DGKG: variants seen among roughly 807,000 people sequenced by gnomAD.
DGKG encodes the protein DAG kinase gamma.
Under a neutral mutation model 105.3 loss-of-function variants are expected in DGKG, and 78 were observed. The ratio of observed to expected loss-of-function variants is 0.74; its 90% confidence interval spans 0.62 to 0.89. The LOEUF is 0.89. DGKG is among the 40% of genes least tolerant of loss of function. The pLI is 0.00. For synonymous variants in DGKG, 346 were observed against 367.1 expected (o/e 0.94, Z 0.66); for missense variants, 958 against 1,020.1 (o/e 0.94, Z 0.83).
Position 186,354,616 on chromosome 3 carries a change from T to C in DGKG, c.-249+7330A>G, listed in dbSNP as rs57004703. 2.1e-3 allele frequency among the ~76,000 whole-genome samples: 322 copies of C among 152,362 alleles called. 2 individuals carry two copies. Among genetic ancestry groups the C allele is most frequent in the African/African-American group, 6.8e-3 (284 of 41,576 alleles). ...TTTCTAGATGCCTCCATTTTTCACTTGGAAAATGAGAGCTCTTAAGCTCTT... is the reference window on the plus strand; with the variant it reads ...TTTCTAGATGCCTCCATTTTTCACTCGGAAAATGAGAGCTCTTAAGCTCTT... On this transcript the variant is annotated intron_variant, in intron 1 of 24. Transcript: ENST00000265022.
At chr3:186,228,278 T>C (rs1719950303) in intron 20 of DGKG, among the ~76,000 whole-genome samples, 1 of 152,154 alleles carries the variant, frequency 6.6e-6, no homozygotes. Flanking sequence ...CCTTCTCCTC[T>C]CTCCTGATGC....
intron 24 of DGKG, chr3:186,159,839 T>G (rs982276725): frequency 2.6e-5 from 4 of 152,192 alleles, no homozygotes; most frequent in Non-Finnish European, 5.9e-5. Context: ...AACGGATAAA[T>G]GAGGTCACAA....
rs1439594178 is a variant in DGKG at position 186,310,040 on chromosome 3, G to A, written c.68-3063C>T. Among the ~76,000 whole-genome samples the A allele has an allele frequency of 3.1e-4, 46 of 149,870 alleles. No homozygotes were observed. The East Asian group carries it at 6.6e-3, about 22-fold the overall frequency. On this transcript the variant is annotated intron_variant, in intron 2 of 24. Coordinates refer to ENST00000265022, the MANE Select transcript of DGKG (RefSeq NM_001346.3). ...TCCCAGCACTTTGGGAGGCTGAGGC[G>A]GGCGGATCACGAGGTCAGGAGTTCA...
rs889152039 is a variant in DGKG at position 186,149,614 on chromosome 3, G to A, written c.*476C>T. On this transcript the variant is annotated 3_prime_UTR_variant, in exon 25 of 25. Transcript: ENST00000265022. The stretch of plus-strand genomic sequence containing the variant: ...TGCTCTGAGAGCCGGAGGCCGTTTT[G>A]TCTCTGTACAGAGGGAACTTTGTGC... 8 of 986,606 alleles carry A rather than the reference G, an allele frequency of 8.1e-6. No individual in the cohort carries two copies. Among genetic ancestry groups the A allele is most frequent in the Non-Finnish European group, 9.6e-6 (8 of 830,462 alleles). 61.1% of individuals were successfully genotyped at this position (986,606 alleles called of 1,614,324 possible).
rs146027394 is a variant in DGKG, at chr3:186,275,945, GATCTATCTATCTATCTATCT to G, written c.793-301_793-282del. Among the ~76,000 whole-genome samples, 210 of 148,700 alleles carry G rather than the reference GATCTATCTATCTATCTATCT, an allele frequency of 1.4e-3. 1 individual carries two copies. The highest frequency in any genetic ancestry group is 4.9e-3 in the African/African-American group (196 of 40,292). On this transcript the variant is annotated intron_variant, in intron 9 of 24. Coordinates refer to ENST00000265022, the MANE Select transcript of DGKG (RefSeq NM_001346.3). ...AGAAGCATAAACTGAACAACAATCT[GATCTATCTATCTATCTATCT>G]ATCTATCTATCTATCTATCTATCTA...
At chr3:186,197,325 T>A (rs1173329704) in intron 21 of DGKG, among the ~76,000 whole-genome samples, 1 of 152,052 alleles carries the variant, frequency 6.6e-6, no homozygotes, top group Non-Finnish European at 1.5e-5. Context: ...GAGATGACGG[T>A]GGCCTCCTTT....
At chr3:186,196,198 C>T (rs1468184821) in intron 21 of DGKG, among the ~76,000 whole-genome samples, 4 of 147,032 alleles carry the variant, frequency 2.7e-5, no homozygotes, top group African/African-American at 1.0e-4. Context: ...AGTGCAGTGG[C>T]GTGATCTTGG....
chr3:186,340,080 T>C (rs912607147), intron 1 of DGKG, among the ~76,000 whole-genome samples: 10 of 152,160 alleles, frequency 6.6e-5, no homozygotes, highest in African/African-American at 2.4e-4. Context: ...TGTGCCAAGA[T>C]TCCCTGACCC....
At chr3:186,357,389 T>C (rs1727019310) in intron 1 of DGKG, among the ~76,000 whole-genome samples, 1 of 152,112 alleles carries the variant, frequency 6.6e-6, no homozygotes, top group Admixed American at 6.5e-5. Flanking sequence ...ACAGCAGTTA[T>C]TGAGGCAGTA....
chr3:186,207,859 C>T (rs977855809), intron 21 of DGKG, among the ~76,000 whole-genome samples: 5 of 152,146 alleles, frequency 3.3e-5, no homozygotes, highest in South Asian at 2.1e-4. Context: ...GGTAAGCAAG[C>T]GCCATATTGA....
At chr3:186,222,267 C>T (rs1355091234) in intron 20 of DGKG, among the ~76,000 whole-genome samples, 1 of 152,198 alleles carries the variant, frequency 6.6e-6, no homozygotes, top group Admixed American at 6.5e-5. Flanking sequence ...CACATTTCCC[C>T]ATAGAAACAA....
intron 22 of DGKG, among the ~76,000 whole-genome samples, chr3:186,173,571 A>G (rs1344793647): frequency 6.6e-6 from 1 of 152,232 alleles, no homozygotes; most frequent in African/African-American, 2.4e-5. Flanking sequence ...TCCTGCCTCC[A>G]AATTTCCATG....
At chr3:186,211,745 C>G (rs748919383) in intron 21 of DGKG, 50 bp downstream of exon 21, 2 of 1,375,264 alleles carry the variant, frequency 1.5e-6, no homozygotes, top group Non-Finnish European at 2.1e-6. Context: ...TGTGACAGTC[C>G]AGGAGCAGAA....
chr3:186,307,201 A>G (rs2108625765), intron 2 of DGKG, among the ~76,000 whole-genome samples: 1 of 152,290 alleles, frequency 6.6e-6, no homozygotes, highest in South Asian at 2.1e-4. Context: ...ATCTGATCAG[A>G]TCATATCCCT....
chr3:186,161,742 A>T (rs1009949686), intron 23 of DGKG, 79 bp from the exon 24 acceptor site: 2 of 1,605,788 alleles, frequency 1.2e-6, no homozygotes, highest in African/African-American at 2.7e-5. Flanking sequence ...AGGAAAACAG[A>T]AGTAGGAAAA....
At position 186,210,887 on chromosome 3, in the gene DGKG, C is replaced by T. The variant is rs1482008409; in HGVS notation, c.1917+908G>A. ...GTAGCAAGAACTCTGGGCAAGAGAA[C>T]CAATGGGCGTAAAGTCCCACGGAGC... On this transcript the variant is annotated intron_variant, in intron 21 of 24. Transcript: ENST00000265022. This position sits in a 1 kb window ranked among gnomAD's most constrained non-coding sequence, Gnocchi z 5.2. 6.6e-6 allele frequency among the ~76,000 whole-genome samples: 1 copy of T among 152,234 alleles called. No individual in the cohort carries two copies. The highest frequency in any genetic ancestry group is 2.4e-5 in the African/African-American group (1 of 41,456).
At chr3:186,354,533 A>C (rs1726814033) in intron 1 of DGKG, among the ~76,000 whole-genome samples, 1 of 152,216 alleles carries the variant, frequency 6.6e-6, no homozygotes, top group Non-Finnish European at 1.5e-5. Flanking sequence ...GGGTTTTGTC[A>C]GCTGCTGTCT....
intron 21 of DGKG, among the ~76,000 whole-genome samples, chr3:186,197,706 G>A (rs1005565036): frequency 1.3e-5 from 2 of 152,090 alleles, no homozygotes; most frequent in East Asian, 1.9e-4. Context: ...TGAGGGAGAG[G>A]GTTAGCTGAG....
intron 5 of DGKG, among the ~76,000 whole-genome samples, chr3:186,295,932 C>A (rs1723536933): frequency 6.6e-6 from 1 of 152,062 alleles, no homozygotes; most frequent in African/African-American, 2.4e-5. Flanking sequence ...GATGGCAAAA[C>A]CCTGTCTGTA....
Sources: allele counts gnomAD v4.1 joint callset (sites outside exome capture counted in the v4.1 genomes callset), GRCh38; gene constraint gnomAD v4.1.1; non-coding constraint Gnocchi (gnomAD v3.1); transcripts MANE v1.5; gene names NCBI Gene and HGNC (gene_info 2026-07-23, HGNC 2026-07-21).